TASP1: variants seen among roughly 807,000 people sequenced by gnomAD.
TASP1 encodes threonine aspartase 1.
TASP1 carries 16 observed loss-of-function variants against 56.6 expected under a neutral mutation model. That is an observed-to-expected ratio of 0.28 (90% CI 0.19 to 0.43). The LOEUF (loss-of-function observed/expected upper bound fraction) is 0.43, where lower values mean the gene tolerates loss of function less well. Ranked by LOEUF, TASP1 falls within the 20% of genes least tolerant of loss-of-function variation. TASP1 has a pLI of 1.00. For missense variants in TASP1, 393 were observed against 511.6 expected, an observed-to-expected ratio of 0.77 and a Z score of 2.24; for synonymous variants, 179 against 184.2, an observed-to-expected ratio of 0.97 and a Z score of 0.23.
chr20:13,493,325 G>C (rs1259698066), intron 10 of TASP1, among the ~76,000 whole-genome samples: 1 of 152,162 alleles, frequency 6.6e-6, no homozygotes, highest in African/African-American at 2.4e-5. Context: ...TGACATTTGA[G>C]TCAGTGGATT....
chr20:13,295,163 C>T, the TASP1 span, among the ~76,000 whole-genome samples: 5 of 152,168 alleles, frequency 3.3e-5, no homozygotes, highest in African/African-American at 1.2e-4. Flanking sequence ...CTCCAAAGTC[C>T]ACCAGCCACC....
the TASP1 span, among the ~76,000 whole-genome samples, chr20:13,272,552 C>T: frequency 1.3e-5 from 2 of 152,196 alleles, no homozygotes; most frequent in Non-Finnish European, 2.9e-5. Context: ...AGAAGTCGGA[C>T]AGGCTCTATT....
rs531560679 is a variant in TASP1 at position 13,414,918 on chromosome 20, A to T, written c.1170+2530T>A. On this transcript the variant is annotated intron_variant, in intron 13 of 13. Transcript: ENST00000337743. Reference sequence around the variant, plus strand: ...GATTATTATCCAGCCTTTTCTACGCAATATGATTTTTAGCTAAGCTTTAAT... The same window carrying T: ...GATTATTATCCAGCCTTTTCTACGCTATATGATTTTTAGCTAAGCTTTAAT... Among the ~76,000 whole-genome samples, 404 of 152,214 alleles carry T rather than the reference A, an allele frequency of 2.7e-3. 1 individual carries two copies. The highest frequency in any genetic ancestry group is 4.2e-3 in the Non-Finnish European group (285 of 67,994).
the TASP1 span, among the ~76,000 whole-genome samples, chr20:13,118,672 G>A: frequency 6.6e-6 from 1 of 152,134 alleles, no homozygotes; most frequent in Non-Finnish European, 1.5e-5. Flanking sequence ...CTCAGCCTAG[G>A]ATGCCACACC....
the TASP1 span, chr20:13,164,840 T>C: frequency 1.9e-6 from 3 of 1,613,638 alleles, no homozygotes; most frequent in East Asian, 4.5e-5. Context: ...AGCTCTATGA[T>C]GAGACGAGCT....
At chr20:13,364,614 C>T in the TASP1 span, among the ~76,000 whole-genome samples, 18 of 152,242 alleles carry the variant, frequency 1.2e-4, no homozygotes, top group African/African-American at 4.1e-4. Flanking sequence ...GATAGCTGGA[C>T]TGAAGCTAAG....
At chr20:13,625,043 C>T (rs1268973200) in intron 3 of TASP1, 142 bp downstream of exon 3, 17 of 521,140 alleles carry the variant, frequency 3.3e-5, no homozygotes, top group Non-Finnish European at 4.5e-5. Flanking sequence ...CAAAACGATC[C>T]CCTACAAAAA....
chr20:13,608,260 A>G (rs896021407), intron 4 of TASP1, among the ~76,000 whole-genome samples: 2 of 152,232 alleles, frequency 1.3e-5, no homozygotes, highest in South Asian at 2.1e-4. Context: ...ATGGAAGCCA[A>G]TGAAACTGTA....
At chr20:13,551,492 C>A (rs553993988) in intron 8 of TASP1, among the ~76,000 whole-genome samples, 1 of 152,096 alleles carries the variant, frequency 6.6e-6, no homozygotes, top group Non-Finnish European at 1.5e-5. Flanking sequence ...CTTGAAACAT[C>A]AAAAATGTTG....
intron 10 of TASP1, among the ~76,000 whole-genome samples, chr20:13,520,413 A>G (rs1293918022): frequency 1.3e-5 from 2 of 152,224 alleles, no homozygotes; most frequent in African/African-American, 4.8e-5. Flanking sequence ...CGGTACTGGT[A>G]CCAAAACAGA....
At chr20:13,151,114 C>T in the TASP1 span, among the ~76,000 whole-genome samples, 1 of 152,144 alleles carries the variant, frequency 6.6e-6, no homozygotes, top group African/African-American at 2.4e-5. Flanking sequence ...GCACTGCCCA[C>T]CTCTCTTCTT....
chr20:13,558,993 C>T lies in TASP1; in HGVS notation c.675+15G>A. On this transcript the variant is annotated intron_variant, in intron 8 of 13. Coordinates refer to ENST00000337743, the MANE Select transcript of TASP1 (RefSeq NM_017714.3). ...ATCTGATACATTAATTTGAATATTT[C>T]AAACACCACCTGACCTTCTCACTTG... 6.6e-7 allele frequency: 1 copy of T among 1,512,916 alleles called. No homozygotes were observed. The highest frequency in any genetic ancestry group is 1.3e-5 in the South Asian group (1 of 78,836). The allele number at this position is 1,512,916 out of a possible 1,614,324, so 93.7% of individuals were successfully genotyped here. A position where few individuals can be genotyped will look rare whatever the true frequency, so the allele number is the denominator to read the frequency against.
At chr20:13,370,010 T>A in the TASP1 span, among the ~76,000 whole-genome samples, 1 of 152,162 alleles carries the variant, frequency 6.6e-6, no homozygotes, top group African/African-American at 2.4e-5. Flanking sequence ...GGTGGTGAGT[T>A]CTGTTTTTAT....
At chr20:13,315,573 T>C in the TASP1 span, among the ~76,000 whole-genome samples, 1 of 151,958 alleles carries the variant, frequency 6.6e-6, no homozygotes, top group South Asian at 2.1e-4. Context: ...CATAGATGAA[T>C]CCATTATCAT....
the TASP1 span, among the ~76,000 whole-genome samples, chr20:13,292,637 C>T: frequency 4.6e-5 from 7 of 152,240 alleles, no homozygotes; most frequent in East Asian, 1.2e-3. Context: ...AGAAAACAGT[C>T]CTAAGCCTCC....
chr20:13,333,701 A>G, the TASP1 span, among the ~76,000 whole-genome samples: 1 of 152,240 alleles, frequency 6.6e-6, no homozygotes, highest in East Asian at 1.9e-4. Flanking sequence ...ACATATTATA[A>G]TGAGTTAAAT....
chr20:13,132,377 A>G, the TASP1 span, among the ~76,000 whole-genome samples: 1 of 151,750 alleles, frequency 6.6e-6, no homozygotes, highest in African/African-American at 2.4e-5. Flanking sequence ...GGGTTTCACC[A>G]TGTTGGCCGG....
intron 10 of TASP1, among the ~76,000 whole-genome samples, chr20:13,493,836 G>A (rs1380538969): frequency 6.6e-6 from 1 of 152,086 alleles, no homozygotes; most frequent in Non-Finnish European, 1.5e-5. Flanking sequence ...TGTTAATACA[G>A]GAGATAAAGC....
chr20:13,434,543 A>C (rs560124623), intron 12 of TASP1, among the ~76,000 whole-genome samples: 1 of 152,300 alleles, frequency 6.6e-6, no homozygotes, highest in East Asian at 1.9e-4. Flanking sequence ...AGGCCAGGGC[A>C]GATGTCCTTG....
Sources: gnomAD v4.1 joint callset for allele counts (sites outside exome capture counted in the v4.1 genomes callset) on GRCh38, gnomAD v4.1.1 for gene constraint, MANE v1.5 for transcripts, NCBI Gene and HGNC (gene_info 2026-07-23, HGNC 2026-07-21) for gene names.